The following SULF2 variants were observed in gnomAD, a reference collection of about 807,000 sequenced individuals.
SULF2 encodes the protein sulfatase 2.
A neutral mutation model predicts 107.7 loss-of-function variants in SULF2; 52 were observed. The observed-to-expected ratio is 0.48, with a 90% confidence interval of 0.39 to 0.61. The LOEUF is 0.61. SULF2 is among the 20% of genes least tolerant of loss of function. The probability of loss-of-function intolerance (pLI) is 0.00; values close to 1 mark genes in which losing one functional copy is unlikely to be tolerated. For missense variants in SULF2, 993 were observed against 1,177.3 expected (o/e 0.84, Z 2.29); for synonymous variants, 460 against 464.3 (o/e 0.99, Z 0.12).
intron 1 of SULF2, among the ~76,000 whole-genome samples, chr20:47,766,615 A>G (rs2090532689): frequency 6.6e-6 from 1 of 152,222 alleles, no homozygotes; most frequent in African/African-American, 2.4e-5. Flanking sequence ...CACTGTGGAT[A>G]AAGCAGTGAA....
At chr20:47,751,884 A>G (rs1350076946) in intron 2 of SULF2, among the ~76,000 whole-genome samples, 1 of 152,194 alleles carries the variant, frequency 6.6e-6, no homozygotes, top group African/African-American at 2.4e-5. Context: ...TTGCTTTTCA[A>G]CAGCCATGAT....
chr20:47,666,673 C>T lies in SULF2; in HGVS notation c.1577-185G>A, dbSNP rs905171991. On this transcript the variant is annotated intron_variant, in intron 11 of 20. Transcript: ENST00000688720. This position sits in a 1 kb window ranked among gnomAD's most constrained non-coding sequence, Gnocchi z 5.4. Reference sequence around the variant, plus strand: ...GATCCTGGACCGCAGGGGAGGGCCTCGAGGTGATCACACCGGCAAGACGGA... The same window carrying T: ...GATCCTGGACCGCAGGGGAGGGCCTTGAGGTGATCACACCGGCAAGACGGA... Among the ~76,000 whole-genome samples the T allele has an allele frequency of 1.3e-5, 2 of 152,188 alleles. No individual in the cohort carries two copies. Among genetic ancestry groups the T allele is most frequent in the African/African-American group, 2.4e-5 (1 of 41,434 alleles).
At chr20:47,708,748 C>T (rs1381137127) in intron 3 of SULF2, among the ~76,000 whole-genome samples, 1 of 152,172 alleles carries the variant, frequency 6.6e-6, no homozygotes, top group African/African-American at 2.4e-5. Context: ...CTGATGAATG[C>T]TGGAGTTTAG....
In SULF2 at chr20:47,745,395, A is replaced by T. The variant is rs1394897986; in HGVS notation, c.176-8453T>A. On this transcript the variant is annotated intron_variant, in intron 2 of 20. Transcript: ENST00000688720. ...TGAGTTTTGAGGGAAAAAAAAAAAA[A>T]AAAAAAAAAAAAAAAATATATATAT... 3.6e-3 allele frequency among the ~76,000 whole-genome samples: 81 copies of T among 22,248 alleles called. 2 individuals carry two copies. Among genetic ancestry groups the T allele is most frequent in the African/African-American group, 0.027 (80 of 2,936 alleles). The allele number at this position is 22,248 out of a possible 152,430, so 14.6% of individuals were successfully genotyped here.
At chr20:47,720,437 T>C (rs531994052) in intron 3 of SULF2, among the ~76,000 whole-genome samples, 29 of 152,096 alleles carry the variant, frequency 1.9e-4, no homozygotes, top group Non-Finnish European at 4.3e-4. Flanking sequence ...TTTGTATTTT[T>C]AGTAGAGACA....
chr20:47,781,644 G>A (rs2122736513), intron 1 of SULF2, among the ~76,000 whole-genome samples: 1 of 152,246 alleles, frequency 6.6e-6, no homozygotes, highest in East Asian at 1.9e-4. Context: ...GCCTACTGAA[G>A]GCTCACCTGG....
Position 47,757,205 on chromosome 20 carries a change from G to A in SULF2, c.159C>T (p.Asp53=). The part of the protein sequence containing the change: ...RPNIILVLTD[D]QDVELGSMQV... Reference sequence around the variant, plus strand: ...GAGGCTTACCCAGCTCCACATCCTGGTCGTCCGTCAGCACCAGGATGATGT... The same window carrying A: ...GAGGCTTACCCAGCTCCACATCCTGATCGTCCGTCAGCACCAGGATGATGT... The change falls in exon 2 of 21, where the codon GAC becomes GAT. Residue 53 remains aspartate (D), a synonymous_variant. Coordinates refer to ENST00000688720, the MANE Select transcript of SULF2 (RefSeq NM_001387048.1). 1 of 1,556,968 alleles carries A rather than the reference G, an allele frequency of 6.4e-7. No individual in the cohort carries two copies. Among genetic ancestry groups the A allele is most frequent in the Non-Finnish European group, 8.7e-7 (1 of 1,149,254 alleles).
chr20:47,705,214 G>A (rs2088691843), intron 3 of SULF2, among the ~76,000 whole-genome samples: 1 of 152,210 alleles, frequency 6.6e-6, no homozygotes, highest in Admixed American at 6.5e-5. Flanking sequence ...CACAGGGGAG[G>A]TGAAAATAGG....
intron 2 of SULF2, among the ~76,000 whole-genome samples, chr20:47,738,590 TG>T (rs200932756): frequency 0.019 from 2,901 of 152,314 alleles, 47 homozygotes; most frequent in Non-Finnish European, 0.031. Context: ...AGTTGAATCA[TG>T]GGGGTTGTTT....
intron 4 of SULF2, among the ~76,000 whole-genome samples, chr20:47,690,539 G>A (rs2088163175): frequency 6.6e-6 from 1 of 152,206 alleles, no homozygotes; most frequent in South Asian, 2.1e-4. Context: ...GAAGTGGATA[G>A]GGAGAACAGG....
intron 3 of SULF2, among the ~76,000 whole-genome samples, chr20:47,705,718 C>A (rs1013161300): frequency 2.6e-5 from 4 of 152,060 alleles, no homozygotes; most frequent in African/African-American, 9.7e-5. Flanking sequence ...TATTCGCCGA[C>A]GCACGTGACA....
At chr20:47,704,104 T>C (rs944970895) in intron 3 of SULF2, among the ~76,000 whole-genome samples, 1 of 152,144 alleles carries the variant, frequency 6.6e-6, no homozygotes, top group African/African-American at 2.4e-5. Context: ...GACACCTCAT[T>C]GGCCTGGAGA....
Position 47,757,447 on chromosome 20 carries a change from C to T in SULF2, c.-84G>A. 7.0e-7 allele frequency: 1 copy of T among 1,422,998 alleles called. No individual in the cohort carries two copies. The highest frequency in any genetic ancestry group is 9.4e-7 in the Non-Finnish European group (1 of 1,060,996). 88.1% of individuals were successfully genotyped at this position (1,422,998 alleles called of 1,614,324 possible). A position where few individuals can be genotyped will look rare whatever the true frequency, so the allele number is the denominator to read the frequency against. On this transcript the variant is annotated 5_prime_UTR_variant, in exon 2 of 21. Coordinates refer to ENST00000688720, the MANE Select transcript of SULF2 (RefSeq NM_001387048.1). ...GTGGCTTTGTTTCTTTTCCCTCGTC[C>T]CTCTTCACTCGCAGATCTAGAGGAG... is the stretch of plus-strand genomic sequence containing the variant.
rs201176227 is a variant in SULF2 at position 47,690,185 on chromosome 20, G to A, written c.678C>T (p.His226=). 1.7e-5 allele frequency: 26 copies of A among 1,567,912 alleles called. No individual in the cohort carries two copies. The highest frequency in any genetic ancestry group is 5.9e-5 in the South Asian group (5 of 85,298). The change falls in exon 5 of 21, where the codon CAC becomes CAT. Residue 226 remains histidine, a synonymous_variant. Coordinates refer to ENST00000688720, the MANE Select transcript of SULF2 (RefSeq NM_001387048.1). The stretch of plus-strand genomic sequence containing the variant: ...ATTGTGGGGCTGAATCCTCAGGGCC[G>A]TGGGGGGCTGCATGGCTGATGACCA... ...VLMVISHAAP[H]GPEDSAPQYS... is the part of the protein sequence containing the mutation.
chr20:47,757,543 G>T, intron 1 of SULF2, 80 bp from the exon 2 acceptor site: 1 of 711,134 alleles, frequency 1.4e-6, no homozygotes, highest in Non-Finnish European at 2.2e-6. Flanking sequence ...TTTGTATGGC[G>T]GCTGGCATGA....
chr20:47,780,688 G>C (rs1297280308), intron 1 of SULF2, among the ~76,000 whole-genome samples: 1 of 152,162 alleles, frequency 6.6e-6, no homozygotes, highest in Admixed American at 6.5e-5. Flanking sequence ...TGTGTAGCTG[G>C]AATTACAGGC....
intron 11 of SULF2, among the ~76,000 whole-genome samples, chr20:47,669,296 G>A (rs759141714): frequency 6.6e-6 from 1 of 152,026 alleles, no homozygotes; most frequent in Non-Finnish European, 1.5e-5. Flanking sequence ...ACCTCCCCAC[G>A]CCACAGCCAG....
At position 47,746,997 on chromosome 20, in the gene SULF2, ATAT is replaced by A. The variant is rs2090057687; in HGVS notation, c.176-10058_176-10056del. On this transcript the variant is annotated intron_variant, in intron 2 of 20. Transcript: ENST00000688720. The stretch of plus-strand genomic sequence containing the variant: ...CTTAAATAAATAAAAAAAAAAAAAT[ATAT>A]ATATATATATATATATATACACACA... 6.2e-5 allele frequency among the ~76,000 whole-genome samples: 7 copies of A among 112,870 alleles called. No individual in the cohort carries two copies. In the South Asian group the frequency reaches 1.5e-3, roughly 23 times the overall value. 74.0% of individuals were successfully genotyped at this position (112,870 alleles called of 152,430 possible). A position where few individuals can be genotyped will look rare whatever the true frequency, so the allele number is the denominator to read the frequency against.
In SULF2 at chr20:47,736,869, C is replaced by T. The variant is rs768832686; in HGVS notation, c.249G>A (p.Val83=). The T allele has an allele frequency of 6.2e-7, 1 of 1,614,206 alleles. No homozygotes were observed. Among genetic ancestry groups the T allele is most frequent in the East Asian group, 2.2e-5 (1 of 44,878 alleles). The change falls in exon 3 of 21, where the codon GTG becomes GTA. Residue 83 remains valine (V), a synonymous_variant. Transcript: ENST00000688720. ...GTGAGGGGCAGCACATGGGTGTGGT[C>T]ACGAAGGCGTTGATGAAGTGCGCCC... ...QGGAHFINAF[V]TTPMCCPSRS... is the part of the protein sequence containing the mutation.
Sources: allele counts gnomAD v4.1 joint callset (sites outside exome capture counted in the v4.1 genomes callset), GRCh38; gene constraint gnomAD v4.1.1; non-coding constraint Gnocchi (gnomAD v3.1); transcripts MANE v1.5; gene names NCBI Gene and HGNC (gene_info 2026-07-23, HGNC 2026-07-21).